The following GALNT7 variants were observed in gnomAD, a reference collection of about 807,000 sequenced individuals.
GALNT7 encodes N-acetylgalactosaminyltransferase 7.
In GALNT7, 60 loss-of-function variants were observed where a neutral mutation model predicts 82.1. The observed-to-expected ratio is 0.73, with a 90% CI of 0.59 to 0.91. The LOEUF is 0.91. GALNT7 is among the 40% of genes least tolerant of loss of function. The pLI, the probability that GALNT7 is intolerant of heterozygous loss-of-function variation, is 0.00. For missense variants in GALNT7, 660 were observed against 804.2 expected, an observed-to-expected ratio of 0.82 and a Z score of 2.17; for synonymous variants, 243 against 275.1, an observed-to-expected ratio of 0.88 and a Z score of 1.15.
chr4:173,298,074 T>C, intron 5 of GALNT7, 41 bp from the exon 6 acceptor site: 1 of 1,603,408 alleles, frequency 6.2e-7, no homozygotes, highest in South Asian at 1.1e-5. Context: ...GGTCCATACA[T>C]ACGCTTCCAT....
At chr4:173,170,146 C>T (rs1336359252) in intron 1 of GALNT7, among the ~76,000 whole-genome samples, 1 of 152,158 alleles carries the variant, frequency 6.6e-6, no homozygotes, top group Non-Finnish European at 1.5e-5. Context: ...CCCGGATGAA[C>T]CGTTGCACCA....
intron 2 of GALNT7, among the ~76,000 whole-genome samples, chr4:173,252,732 A>T (rs916057519): frequency 1.3e-5 from 2 of 152,196 alleles, no homozygotes; most frequent in African/African-American, 4.8e-5. Flanking sequence ...AGTTCAACAG[A>T]TATTGAGTAT....
At chr4:173,304,439 A>C (rs144025605) in intron 8 of GALNT7, among the ~76,000 whole-genome samples, 254 of 151,860 alleles carry the variant, frequency 1.7e-3, no homozygotes, top group African/African-American at 5.8e-3. Context: ...TTTAATTGAC[A>C]AGTAAATATT....
At chr4:173,280,150 A>G (rs1027827521) in intron 2 of GALNT7, among the ~76,000 whole-genome samples, 3 of 152,212 alleles carry the variant, frequency 2.0e-5, no homozygotes, top group Non-Finnish European at 4.4e-5. Context: ...GTAAGAAACA[A>G]CCTTTAAGAG....
chr4:173,262,505 A>G (rs1250680124), intron 2 of GALNT7, among the ~76,000 whole-genome samples: 3 of 152,204 alleles, frequency 2.0e-5, no homozygotes, highest in African/African-American at 7.2e-5. Flanking sequence ...TTAACTCCTG[A>G]GAAACTGTCA....
intron 1 of GALNT7, among the ~76,000 whole-genome samples, chr4:173,221,440 G>A (rs1733641467): frequency 6.6e-6 from 1 of 152,186 alleles, no homozygotes; most frequent in African/African-American, 2.4e-5. Context: ...ATGCTGAGCT[G>A]AATTTTTCAA....
intron 1 of GALNT7, among the ~76,000 whole-genome samples, chr4:173,194,049 G>A (rs1357810937): frequency 6.6e-6 from 1 of 152,008 alleles, no homozygotes; most frequent in Non-Finnish European, 1.5e-5. Context: ...ATTTGTAAAT[G>A]GATTTAAAGT....
intron 1 of GALNT7, among the ~76,000 whole-genome samples, chr4:173,198,067 T>C (rs1174946890): frequency 2.1e-5 from 1 of 46,698 alleles, no homozygotes; most frequent in African/African-American, 5.9e-5. Context: ...GATTGTTTCT[T>C]TTTTTTTTTT....
intron 1 of GALNT7, among the ~76,000 whole-genome samples, chr4:173,185,310 T>C (rs1272171945): frequency 2.0e-5 from 3 of 152,034 alleles, no homozygotes; most frequent in Non-Finnish European, 4.4e-5. Context: ...GCCCATGTTA[T>C]GTACAGAGTA....
chr4:173,303,219 C>T (rs529670237), intron 7 of GALNT7, among the ~76,000 whole-genome samples: 85 of 151,198 alleles, frequency 5.6e-4, no homozygotes, highest in Non-Finnish European at 8.8e-4. Flanking sequence ...AAAGAGCGAG[C>T]GTTATGCTAG....
chr4:173,299,568 C>T (rs898886840), intron 6 of GALNT7, among the ~76,000 whole-genome samples: 4 of 152,062 alleles, frequency 2.6e-5, no homozygotes, highest in Non-Finnish European at 5.9e-5. Flanking sequence ...ACCCAGCTGC[C>T]GGGCAAGGTG....
rs116573424 is a variant in GALNT7, at chr4:173,226,874, T to C, written c.127-21106T>C. Among the ~76,000 whole-genome samples, 698 of 152,348 alleles carry C rather than the reference T, an allele frequency of 4.6e-3. 5 individuals are homozygous for C. The highest frequency in any genetic ancestry group is 0.015 in the African/African-American group (644 of 41,574). On this transcript the variant is annotated intron_variant, in intron 1 of 11. Transcript: ENST00000265000. ...CCTTTGGGAGTATTTCTGGTCTTCATTTTTATTGGAAGACCTCGAAATACT... is the reference window on the plus strand; with the variant it reads ...CCTTTGGGAGTATTTCTGGTCTTCACTTTTATTGGAAGACCTCGAAATACT...
intron 1 of GALNT7, among the ~76,000 whole-genome samples, chr4:173,187,237 C>A (rs764227210): frequency 1.3e-5 from 2 of 151,928 alleles, no homozygotes; most frequent in Non-Finnish European, 2.9e-5. Flanking sequence ...TAGACATAGT[C>A]CACAGTATAA....
intron 1 of GALNT7, among the ~76,000 whole-genome samples, chr4:173,204,073 C>T (rs897628219): frequency 1.3e-5 from 2 of 152,130 alleles, no homozygotes; most frequent in Non-Finnish European, 1.5e-5. Flanking sequence ...TTTATCTCTC[C>T]TTAATTCTGA....
At chr4:173,308,102 G>T (rs765710071) in intron 8 of GALNT7, among the ~76,000 whole-genome samples, 14 of 152,198 alleles carry the variant, frequency 9.2e-5, no homozygotes, top group Non-Finnish European at 2.1e-4. Flanking sequence ...AGGTGATCCT[G>T]TCCTATGTAG....
At chr4:173,297,760 C>T in intron 5 of GALNT7, 1 of 1,189,138 alleles carries the variant, frequency 8.4e-7, no homozygotes, top group Non-Finnish European at 1.1e-6. Context: ...GTCTTGGGTT[C>T]TTAAATGCTT....
chr4:173,208,387 G>T (rs564615517), intron 1 of GALNT7, among the ~76,000 whole-genome samples: 1 of 152,104 alleles, frequency 6.6e-6, no homozygotes, highest in Non-Finnish European at 1.5e-5. Flanking sequence ...ATTAATATTT[G>T]ATATTTTAAA....
At chr4:173,303,860 G>A (rs772733957) in intron 7 of GALNT7, 136 bp from the exon 8 acceptor site, 28 of 722,492 alleles carry the variant, frequency 3.9e-5, no homozygotes, top group Non-Finnish European at 6.4e-5. Context: ...ATTATTTTAG[G>A]ATTTGTTTAG....
intron 1 of GALNT7, among the ~76,000 whole-genome samples, chr4:173,247,093 A>G (rs377613080): frequency 6.6e-6 from 1 of 152,064 alleles, no homozygotes; most frequent in African/African-American, 2.4e-5. Context: ...AGACACAGAC[A>G]TTGGCATTTT....
Sources: gnomAD v4.1 joint callset for allele counts (sites outside exome capture counted in the v4.1 genomes callset) on GRCh38, gnomAD v4.1.1 for gene constraint, MANE v1.5 for transcripts, NCBI Gene and HGNC (gene_info 2026-07-23, HGNC 2026-07-21) for gene names.